The following KCNB2 variants were observed in gnomAD, a reference collection of about 807,000 sequenced individuals.
KCNB2 encodes delayed rectifier potassium channel protein.
KCNB2 carries 15 observed loss-of-function variants against 61.5 expected under a neutral mutation model. The observed-to-expected ratio is 0.24, with a 90% CI of 0.16 to 0.38. KCNB2 has a LOEUF of 0.38. Ranked by LOEUF, KCNB2 falls within the 10% of genes least tolerant of loss-of-function variation. The probability of loss-of-function intolerance (pLI) is 1.00; values close to 1 mark genes in which losing one functional copy is unlikely to be tolerated. For synonymous variants in KCNB2, 457 were observed against 446.0 expected (o/e 1.02, Z -0.31); for missense variants, 828 against 1,125.2 (o/e 0.74, Z 3.78).
chr8:72,766,997 A>C (rs1182008454), intron 2 of KCNB2, among the ~76,000 whole-genome samples: 1 of 152,166 alleles, frequency 6.6e-6, no homozygotes, highest in African/African-American at 2.4e-5. Flanking sequence ...AATGAGGAAG[A>C]AGCAAAAGCG....
At chr8:72,616,529 G>A (rs2128983823) in intron 2 of KCNB2, among the ~76,000 whole-genome samples, 1 of 152,126 alleles carries the variant, frequency 6.6e-6, no homozygotes, top group Non-Finnish European at 1.5e-5. Context: ...TATATTAAAT[G>A]TGGTTCTAAG....
chr8:72,549,641 G>A lies in KCNB2; in HGVS notation c.-94+11756G>A, dbSNP rs1278629535. ...TAAACAACTAGCCATCCCTGCTGTC[G>A]TCATATTTCTTCAAAATAAATTAGG... On this transcript the variant is annotated intron_variant, in intron 1 of 2. Transcript: ENST00000523207. Among the ~76,000 whole-genome samples the A allele has an allele frequency of 9.2e-5, 14 of 152,120 alleles. 1 individual carries two copies. Among genetic ancestry groups the A allele is most frequent in the Admixed American group, 2.0e-4 (3 of 15,268 alleles).
chr8:72,862,017 TA>T (rs1475092508), intron 2 of KCNB2, among the ~76,000 whole-genome samples: 2 of 152,060 alleles, frequency 1.3e-5, no homozygotes, highest in Non-Finnish European at 1.5e-5. Flanking sequence ...ACTAAAAATG[TA>T]AAAATTAGCT....
chr8:72,686,025 G>A (rs189828650), intron 2 of KCNB2, among the ~76,000 whole-genome samples: 45 of 152,294 alleles, frequency 3.0e-4, no homozygotes, highest in East Asian at 1.9e-4. Flanking sequence ...GTCAGACAGC[G>A]TGGCACCTGG....
At chr8:72,683,263 T>TA (rs200930305) in intron 2 of KCNB2, among the ~76,000 whole-genome samples, 1 of 152,182 alleles carries the variant, frequency 6.6e-6, no homozygotes, top group East Asian at 1.9e-4. Flanking sequence ...CACTTTTTTT[T>TA]CTATTCCCCT....
chr8:72,931,914 G>C (rs1806792939), intron 2 of KCNB2, among the ~76,000 whole-genome samples: 1 of 152,218 alleles, frequency 6.6e-6, no homozygotes, highest in Non-Finnish European at 1.5e-5. Flanking sequence ...TTGGGAGGCT[G>C]AGGCACAAGA....
chr8:72,639,979 G>A (rs942518167), intron 2 of KCNB2, among the ~76,000 whole-genome samples: 2 of 151,938 alleles, frequency 1.3e-5, no homozygotes, highest in Non-Finnish European at 2.9e-5. Flanking sequence ...GACTGGGTGC[G>A]TGTCAGTATG....
chr8:72,583,550 C>A (rs1806943905), intron 2 of KCNB2, among the ~76,000 whole-genome samples: 1 of 152,022 alleles, frequency 6.6e-6, no homozygotes. Flanking sequence ...CACACTTCAA[C>A]CTGTAGGGCT....
At chr8:72,741,394 C>T (rs1033195804) in intron 2 of KCNB2, among the ~76,000 whole-genome samples, 11 of 152,138 alleles carry the variant, frequency 7.2e-5, no homozygotes, top group East Asian at 3.8e-4. Context: ...TAGTGACTCT[C>T]TTATCTGTGC....
intron 2 of KCNB2, among the ~76,000 whole-genome samples, chr8:72,626,647 A>G (rs998120475): frequency 5.3e-5 from 8 of 152,172 alleles, no homozygotes; most frequent in Non-Finnish European, 1.0e-4. Context: ...AATAGAAGAG[A>G]CTAAACCTTA....
intron 2 of KCNB2, among the ~76,000 whole-genome samples, chr8:72,647,575 G>A (rs1197344458): frequency 6.6e-6 from 1 of 152,120 alleles, no homozygotes; most frequent in African/African-American, 2.4e-5. Flanking sequence ...ATTCATTAAA[G>A]TGGTGAAAAC....
At chr8:72,613,184 T>A (rs914236371) in intron 2 of KCNB2, among the ~76,000 whole-genome samples, 2 of 152,036 alleles carry the variant, frequency 1.3e-5, no homozygotes, top group Non-Finnish European at 2.9e-5. Context: ...TTTAGAAAGA[T>A]AAACTGAAAA....
At chr8:72,828,918 A>G (rs540369996) in intron 2 of KCNB2, among the ~76,000 whole-genome samples, 1 of 152,308 alleles carries the variant, frequency 6.6e-6, no homozygotes, top group South Asian at 2.1e-4. Context: ...AAAGTATCAT[A>G]ATAAAATATT....
chr8:72,937,292 C>T lies in KCNB2; in HGVS notation c.1937C>T (p.Ala646Val). 1.9e-6 allele frequency: 3 copies of T among 1,613,968 alleles called. No individual in the cohort carries two copies. The highest frequency in any genetic ancestry group is 2.5e-6 in the Non-Finnish European group (3 of 1,179,986). ...DLPGTEEHQR[A>V]RGPPFLTLSR... The stretch of plus-strand genomic sequence containing the variant: ...CCAGGGACAGAAGAGCACCAAAGAG[C>T]TAGGGGCCCCCCGTTTCTAACTCTA... The change falls in exon 3 of 3, where the codon GCT becomes GTT. Residue 646 changes from alanine (A) to valine (V), a missense_variant. Physicochemically the swap from Ala to Val is moderately conservative, Grantham distance 64 (BLOSUM62 0). This residue lies in a region of KCNB2 where 559 missense variants were observed against 588.4 expected (regional missense o/e 0.95). Coordinates refer to ENST00000523207, the MANE Select transcript of KCNB2 (RefSeq NM_004770.3).
chr8:72,725,809 T>C (rs1167892586), intron 2 of KCNB2, among the ~76,000 whole-genome samples: 8 of 151,670 alleles, frequency 5.3e-5, no homozygotes, highest in Admixed American at 5.3e-4. Context: ...AAGCCCTTAG[T>C]AATGATTTGC....
At chr8:72,926,272 A>G (rs1482131560) in intron 2 of KCNB2, among the ~76,000 whole-genome samples, 1 of 152,212 alleles carries the variant, frequency 6.6e-6, no homozygotes, top group African/African-American at 2.4e-5. Context: ...AGAGAAAGAA[A>G]TGTTTAAGAG....
chr8:72,920,517 G>T (rs534580705), intron 2 of KCNB2, among the ~76,000 whole-genome samples: 2 of 114,462 alleles, frequency 1.7e-5, no homozygotes, highest in East Asian at 4.2e-4. Context: ...TGCACCTGTA[G>T]TCCCAGCTAC....
intron 1 of KCNB2, among the ~76,000 whole-genome samples, 155 bp from the exon 2 acceptor site, chr8:72,567,487 C>T (rs1260863532): frequency 6.6e-6 from 1 of 152,062 alleles, no homozygotes; most frequent in Non-Finnish European, 1.5e-5. Context: ...AGCAAAGACA[C>T]ATATCTCCAA....
chr8:72,721,351 C>A (rs75483980), intron 2 of KCNB2, among the ~76,000 whole-genome samples: 3,389 of 152,296 alleles, frequency 0.022, 118 homozygotes, highest in African/African-American at 0.075. Context: ...GTTCAGTGTG[C>A]TCTTTTCTCC....
Sources: allele counts gnomAD v4.1 joint callset (sites outside exome capture counted in the v4.1 genomes callset), GRCh38; gene constraint gnomAD v4.1.1; regional missense constraint gnomAD v4.1.1; transcripts MANE v1.5; gene names NCBI Gene and HGNC (gene_info 2026-07-23, HGNC 2026-07-21).